The following PHF14 variants were observed in gnomAD, a reference collection of about 807,000 sequenced individuals.
The protein encoded by PHF14 is PHD finger protein 14.
Under a neutral mutation model 117.9 loss-of-function variants are expected in PHF14, and 55 were observed. The observed-to-expected ratio is 0.47, with a 90% CI of 0.38 to 0.58. The LOEUF is 0.58. Ranked by LOEUF, PHF14 falls within the 20% of genes least tolerant of loss-of-function variation. The probability of loss-of-function intolerance (pLI) is 0.00; values close to 1 mark genes in which losing one functional copy is unlikely to be tolerated. For synonymous variants in PHF14, 409 were observed against 368.6 expected, an observed-to-expected ratio of 1.11 and a Z score of -1.26; for missense variants, 978 against 1,122.2, an observed-to-expected ratio of 0.87 and a Z score of 1.84.
intron 17 of PHF14, among the ~76,000 whole-genome samples, chr7:11,159,813 A>C (rs7802053): frequency 6.6e-6 from 1 of 152,134 alleles, no homozygotes; most frequent in African/African-American, 2.4e-5. Flanking sequence ...TATAGAAAGA[A>C]AAAATTCTAA....
chr7:11,056,073 A>C (rs1383224062), intron 14 of PHF14, among the ~76,000 whole-genome samples: 2 of 152,160 alleles, frequency 1.3e-5, no homozygotes, highest in African/African-American at 4.8e-5. Flanking sequence ...TAAAACCTCT[A>C]TCTGTCATAG....
chr7:11,029,170 C>T (rs1784033103), intron 7 of PHF14, among the ~76,000 whole-genome samples: 1 of 152,042 alleles, frequency 6.6e-6, no homozygotes, highest in Non-Finnish European at 1.5e-5. Flanking sequence ...GGTAACCTTG[C>T]TCTATTTTTC....
At chr7:11,167,980 C>A (rs1033540191) in intron 17 of PHF14, among the ~76,000 whole-genome samples, 4 of 148,416 alleles carry the variant, frequency 2.7e-5, no homozygotes, top group African/African-American at 1.0e-4. Flanking sequence ...GAGCAGAGAT[C>A]GCGCCACTGC....
chr7:11,166,223 C>G (rs1442637258), intron 17 of PHF14, among the ~76,000 whole-genome samples: 2 of 151,958 alleles, frequency 1.3e-5, no homozygotes, highest in Non-Finnish European at 2.9e-5. Flanking sequence ...CAGAACACTT[C>G]ATGAAACAAA....
intron 4 of PHF14, among the ~76,000 whole-genome samples, chr7:10,992,809 C>T (rs1782509445): frequency 1.3e-5 from 2 of 152,204 alleles, no homozygotes; most frequent in Non-Finnish European, 2.9e-5. Flanking sequence ...AATGTCATTT[C>T]TAACAAAATC....
At chr7:11,053,375 T>G (rs1562441981) in intron 14 of PHF14, among the ~76,000 whole-genome samples, 1 of 152,084 alleles carries the variant, frequency 6.6e-6, no homozygotes, top group Non-Finnish European at 1.5e-5. Flanking sequence ...TGAAATAGTT[T>G]TTATTTGTAG....
chr7:10,995,564 C>T (rs1289967441), intron 4 of PHF14, among the ~76,000 whole-genome samples: 3 of 152,236 alleles, frequency 2.0e-5, no homozygotes, highest in African/African-American at 7.2e-5. Context: ...ATTCCTCAGC[C>T]CTTGGGTGGT....
intron 3 of PHF14, among the ~76,000 whole-genome samples, chr7:10,983,653 A>G (rs866574190): frequency 6.6e-6 from 1 of 152,122 alleles, no homozygotes; most frequent in Admixed American, 6.5e-5. Flanking sequence ...TTCCTTTACC[A>G]GTTGTAGCAC....
rs188701815 is a variant in PHF14, at chr7:11,100,566, A to G, written c.2655-10784A>G. 7.0e-4 allele frequency among the ~76,000 whole-genome samples: 106 copies of G among 152,128 alleles called. No homozygotes were observed. In the East Asian group the frequency reaches 0.016, roughly 23 times the overall value. On this transcript the variant is annotated intron_variant, in intron 16 of 17. Transcript: ENST00000634607. ...TCTTCCCTTCCAGAAAAATACTACC[A>G]TAGTGTATGATAAAATCTACTGACC...
intron 16 of PHF14, among the ~76,000 whole-genome samples, chr7:11,066,972 T>C (rs1785442710): frequency 6.6e-6 from 1 of 152,162 alleles, no homozygotes; most frequent in Non-Finnish European, 1.5e-5. Flanking sequence ...TAAGTTGGAC[T>C]AAATTCAAAG....
intron 4 of PHF14, among the ~76,000 whole-genome samples, chr7:11,013,126 A>G (rs1783409371): frequency 6.6e-6 from 1 of 152,106 alleles, no homozygotes; most frequent in African/African-American, 2.4e-5. Context: ...TAATTAATCT[A>G]AATTCTTTAA....
intron 17 of PHF14, among the ~76,000 whole-genome samples, chr7:11,153,860 C>CA (rs1318271591): frequency 6.6e-6 from 1 of 152,092 alleles, no homozygotes. Flanking sequence ...CCCATGGCCA[C>CA]AAGATGGCTA....
chr7:11,092,414 G>A (rs1392831399), intron 16 of PHF14, among the ~76,000 whole-genome samples: 2 of 152,154 alleles, frequency 1.3e-5, no homozygotes, highest in Non-Finnish European at 2.9e-5. Context: ...CTAAACTATG[G>A]CAATCACTGC....
At chr7:11,023,677 A>G (rs1381339355) in intron 6 of PHF14, among the ~76,000 whole-genome samples, 1 of 152,086 alleles carries the variant, frequency 6.6e-6, no homozygotes, top group East Asian at 1.9e-4. Context: ...AAATACAACA[A>G]ATTAGCTGGG....
At chr7:11,118,480 A>G (rs1264421671) in intron 17 of PHF14, among the ~76,000 whole-genome samples, 1 of 151,746 alleles carries the variant, frequency 6.6e-6, no homozygotes, top group Non-Finnish European at 1.5e-5. Flanking sequence ...ATTAATAATT[A>G]TTTGCTTAAC....
At chr7:11,036,067 G>A (rs1315295429) in intron 8 of PHF14, among the ~76,000 whole-genome samples, 2 of 152,040 alleles carry the variant, frequency 1.3e-5, no homozygotes. Flanking sequence ...ATTACATCTT[G>A]TTTCAGTTTG....
At position 11,013,780 on chromosome 7, in the gene PHF14, T is replaced by C. The variant is rs1168819618; in HGVS notation, c.1079T>C (p.Ile360Thr). The C allele has an allele frequency of 6.2e-7, 1 of 1,601,790 alleles. No individual in the cohort carries two copies. Among genetic ancestry groups the C allele is most frequent in the Non-Finnish European group, 8.5e-7 (1 of 1,171,456 alleles). Residue 360 changes from isoleucine to threonine, a missense_variant, in exon 5 of 18, where the codon ATT becomes ACT. By Grantham distance (89) the Ile-to-Thr change is moderately conservative. Coordinates refer to ENST00000634607, the MANE Select transcript of PHF14 (RefSeq NM_001007157.2). ...GGAGTTGATGGAGAGAGTGACTCTA[T>C]TATGAGTTCAGCTTCTGAAAACTCC... Reference protein sequence around the residue: ...CYGVDGESDSIMSSASENSTE... With the variant: ...CYGVDGESDSTMSSASENSTE...
intron 14 of PHF14, among the ~76,000 whole-genome samples, chr7:11,060,363 G>A (rs1480946070): frequency 1.3e-5 from 2 of 152,198 alleles, no homozygotes; most frequent in Non-Finnish European, 2.9e-5. Context: ...AATGAATTTT[G>A]TAAGGGGACA....
chr7:11,168,323 C>T (rs964961415), intron 17 of PHF14, among the ~76,000 whole-genome samples: 1 of 152,056 alleles, frequency 6.6e-6, no homozygotes, highest in African/African-American at 2.4e-5. Flanking sequence ...TCACAGATTC[C>T]GTTGAGTTTA....
Sources: allele counts gnomAD v4.1 joint callset (sites outside exome capture counted in the v4.1 genomes callset), GRCh38; gene constraint gnomAD v4.1.1; transcripts MANE v1.5; gene names NCBI Gene and HGNC (gene_info 2026-07-23, HGNC 2026-07-21).